TTC29: variants seen among roughly 807,000 people sequenced by gnomAD.
The protein encoded by TTC29 is tetratricopeptide repeat protein 29.
Under a neutral mutation model 58.1 loss-of-function variants are expected in TTC29, and 49 were observed. The observed-to-expected ratio is 0.84, with a 90% CI of 0.67 to 1.07. The LOEUF (loss-of-function observed/expected upper bound fraction) is 1.07. Ranked by LOEUF, TTC29 falls within the 50% of genes least tolerant of loss-of-function variation. TTC29 has a pLI of 0.00. For missense variants in TTC29, 582 were observed against 555.6 expected (o/e 1.05, Z -0.48); for synonymous variants, 209 against 196.8 (o/e 1.06, Z -0.52).
intron 4 of TTC29, among the ~76,000 whole-genome samples, chr4:146,935,440 T>A (rs1409599941): frequency 6.6e-6 from 1 of 152,208 alleles, no homozygotes; most frequent in Admixed American, 6.5e-5. Context: ...TGTTTTTGCC[T>A]GATTTGATTC....
intron 11 of TTC29, among the ~76,000 whole-genome samples, chr4:146,793,038 T>C (rs1190325393): frequency 6.6e-6 from 1 of 152,224 alleles, no homozygotes; most frequent in Non-Finnish European, 1.5e-5. Flanking sequence ...AATGAGGAGT[T>C]GCTTCTTATG....
intron 4 of TTC29, among the ~76,000 whole-genome samples, chr4:146,922,467 C>T (rs17656496): frequency 0.083 from 12,603 of 151,582 alleles, 694 homozygotes; most frequent in East Asian, 0.19. Context: ...CATAGTAGCA[C>T]GAACGGAAAA....
chr4:146,808,380 T>G (rs925995261), intron 10 of TTC29, among the ~76,000 whole-genome samples: 1 of 152,192 alleles, frequency 6.6e-6, no homozygotes, highest in African/African-American at 2.4e-5. Context: ...GTATTGGAAG[T>G]TCTGGCCAGG....
intron 5 of TTC29, among the ~76,000 whole-genome samples, chr4:146,907,953 T>C (rs1273253541): frequency 6.6e-6 from 1 of 152,138 alleles, no homozygotes; most frequent in Admixed American, 6.6e-5. Flanking sequence ...CCACCTCCTA[T>C]CCCACCCCTG....
chr4:146,893,971 C>T (rs1406673935), intron 6 of TTC29, among the ~76,000 whole-genome samples: 2 of 152,112 alleles, frequency 1.3e-5, no homozygotes, highest in Admixed American at 6.5e-5. Context: ...AAATCAAAAC[C>T]ACAATGAGAT....
intron 11 of TTC29, among the ~76,000 whole-genome samples, chr4:146,717,290 G>A (rs925402704): frequency 2.0e-5 from 3 of 151,948 alleles, no homozygotes; most frequent in Admixed American, 2.0e-4. Flanking sequence ...AGTAGTAGTA[G>A]TATTTTGAGA....
intron 4 of TTC29, among the ~76,000 whole-genome samples, chr4:146,928,062 C>T (rs1222779648): frequency 6.6e-6 from 1 of 152,070 alleles, no homozygotes; most frequent in East Asian, 1.9e-4. Context: ...TTATCTAATA[C>T]AGTCGAGCCA....
intron 11 of TTC29, among the ~76,000 whole-genome samples, chr4:146,770,779 A>G (rs1747668294): frequency 6.6e-6 from 1 of 152,012 alleles, no homozygotes; most frequent in Non-Finnish European, 1.5e-5. Context: ...GGAAGCAATA[A>G]TATCTGTTTG....
intron 9 of TTC29, among the ~76,000 whole-genome samples, chr4:146,823,551 T>C (rs552160774): frequency 1.3e-5 from 2 of 152,218 alleles, no homozygotes; most frequent in Non-Finnish European, 2.9e-5. Context: ...TCCAGCTTTG[T>C]TCTTTTTGCT....
intron 7 of TTC29, among the ~76,000 whole-genome samples, chr4:146,874,183 TGGG>T (rs1731108095): frequency 6.6e-6 from 1 of 152,154 alleles, no homozygotes; most frequent in Non-Finnish European, 1.5e-5. Context: ...GCAGTAGGTC[TGGG>T]TTGGGACCTG....
intron 11 of TTC29, among the ~76,000 whole-genome samples, chr4:146,782,217 T>TTTTC (rs1274952196): frequency 6.6e-6 from 1 of 151,760 alleles, no homozygotes; most frequent in Non-Finnish European, 1.5e-5. Flanking sequence ...TTTTCACTCT[T>TTTTC]TTTCTCAGTA....
At chr4:146,728,783 G>A (rs9995313) in intron 11 of TTC29, among the ~76,000 whole-genome samples, 15,101 of 122,776 alleles carry the variant, frequency 0.12, 1,974 homozygotes, top group African/African-American at 0.34. Flanking sequence ...ACATATATAT[G>A]TGTATATATA....
At chr4:146,785,580 G>C (rs1286530939) in intron 11 of TTC29, among the ~76,000 whole-genome samples, 1 of 152,136 alleles carries the variant, frequency 6.6e-6, no homozygotes, top group Non-Finnish European at 1.5e-5. Flanking sequence ...ACACCTATTT[G>C]AAGACAGTTA....
chr4:146,877,073 T>C (rs1406002784), intron 6 of TTC29, among the ~76,000 whole-genome samples: 1 of 152,090 alleles, frequency 6.6e-6, no homozygotes, highest in African/African-American at 2.4e-5. Context: ...AAATTTATAT[T>C]ATGAAACTTC....
intron 7 of TTC29, among the ~76,000 whole-genome samples, chr4:146,868,823 T>C (rs1730734765): frequency 1.3e-5 from 2 of 152,172 alleles, no homozygotes; most frequent in East Asian, 1.9e-4. Flanking sequence ...TGATCCCCAA[T>C]GTTGGAGGTG....
intron 8 of TTC29, among the ~76,000 whole-genome samples, chr4:146,857,916 T>C (rs1264040753): frequency 6.6e-6 from 1 of 152,242 alleles, no homozygotes; most frequent in Non-Finnish European, 1.5e-5. Context: ...TATAAAAATA[T>C]GTGCCAATAC....
intron 7 of TTC29, among the ~76,000 whole-genome samples, chr4:146,874,365 C>G (rs1579882222): frequency 6.6e-6 from 1 of 152,158 alleles, no homozygotes; most frequent in African/African-American, 2.4e-5. Context: ...AATGAAAGGT[C>G]TCTAAGACTG....
intron 11 of TTC29, among the ~76,000 whole-genome samples, chr4:146,790,620 T>C (rs1172938616): frequency 6.6e-6 from 1 of 152,166 alleles, no homozygotes; most frequent in Non-Finnish European, 1.5e-5. Flanking sequence ...ACTTTATACA[T>C]GTAGGTGGAA....
intron 11 of TTC29, 112 bp from the exon 12 acceptor site, chr4:146,707,663 G>A: frequency 1.4e-6 from 1 of 707,146 alleles, no homozygotes; most frequent in Admixed American, 2.5e-5. Flanking sequence ...TCACCTATAA[G>A]ATAAGGGTGT....
Sources: gnomAD v4.1 joint callset for allele counts (sites outside exome capture counted in the v4.1 genomes callset) on GRCh38, gnomAD v4.1.1 for gene constraint, MANE v1.5 for transcripts, NCBI Gene and HGNC (gene_info 2026-07-23, HGNC 2026-07-21) for gene names.